The following ORC4 variants were observed in gnomAD, a reference collection of about 807,000 sequenced individuals.
ORC4 encodes origin recognition complex subunit 4.
Under a neutral mutation model 63.9 loss-of-function variants are expected in ORC4, and 55 were observed. The ratio of observed to expected loss-of-function variants is 0.86; its 90% CI spans 0.69 to 1.08. The LOEUF (loss-of-function observed/expected upper bound fraction) is 1.08. ORC4 is among the 50% of genes least tolerant of loss of function. The pLI is 0.00. For synonymous variants in ORC4, 150 were observed against 168.5 expected, an observed-to-expected ratio of 0.89 and a Z score of 0.85; for missense variants, 511 against 504.4, an observed-to-expected ratio of 1.01 and a Z score of -0.13.
rs535402993 is a variant in ORC4 at position 147,935,262 on chromosome 2, G to C, written c.*248C>G. 35 of 506,716 alleles carry C rather than the reference G, an allele frequency of 6.9e-5. No individual in the cohort carries two copies. Among genetic ancestry groups the C allele is most frequent in the African/African-American group, 6.7e-4 (35 of 51,930 alleles). The allele number at this position is 506,716 out of a possible 1,614,324, so 31.4% of individuals were successfully genotyped here. A position where few individuals can be genotyped will look rare whatever the true frequency, so the allele number is the denominator to read the frequency against. On this transcript the variant is annotated 3_prime_UTR_variant, in exon 14 of 14. Coordinates refer to ENST00000392857, the MANE Select transcript of ORC4 (RefSeq NM_181741.4). ...AAGTGTTAAAAAAGCACATGGTCTAGTCCCTAAAACAGTCATATTTTATTC... is the reference window on the plus strand; with the variant it reads ...AAGTGTTAAAAAAGCACATGGTCTACTCCCTAAAACAGTCATATTTTATTC...
chr2:147,985,050 A>C (rs1691114685), intron 1 of ORC4, among the ~76,000 whole-genome samples: 1 of 152,134 alleles, frequency 6.6e-6, no homozygotes, highest in Admixed American at 6.5e-5. Flanking sequence ...GAGTACTTAT[A>C]ACTCTTCTTT....
chr2:147,958,609 C>T, intron 5 of ORC4, 182 bp downstream of exon 5: 1 of 573,904 alleles, frequency 1.7e-6, no homozygotes, highest in Admixed American at 3.4e-5. Flanking sequence ...AAACCAGAGT[C>T]CTTCTGCGAC....
intron 13 of ORC4, chr2:147,936,498 A>C (rs1436508621): frequency 5.3e-5 from 8 of 152,142 alleles, no homozygotes; most frequent in Admixed American, 1.3e-4. Context: ...GGATTCTATT[A>C]TATTCTTACA....
At chr2:148,019,368 T>A (rs911613055) in intron 1 of ORC4, among the ~76,000 whole-genome samples, 2 of 152,240 alleles carry the variant, frequency 1.3e-5, no homozygotes, top group Admixed American at 1.3e-4. Flanking sequence ...GGCGGGAGGA[T>A]CATTTGAGGT....
intron 1 of ORC4, among the ~76,000 whole-genome samples, chr2:147,980,296 CTTACA>C (rs1427715516): frequency 6.6e-6 from 1 of 151,932 alleles, no homozygotes; most frequent in African/African-American, 2.4e-5. Flanking sequence ...TTACAAAGCA[CTTACA>C]TTGTATTAGA....
At chr2:147,974,499 G>T (rs1290073668) in intron 2 of ORC4, among the ~76,000 whole-genome samples, 2 of 151,980 alleles carry the variant, frequency 1.3e-5, no homozygotes, top group Non-Finnish European at 2.9e-5. Context: ...GCCAGACGTG[G>T]TGGTGGATGC....
intron 4 of ORC4, among the ~76,000 whole-genome samples, chr2:147,969,887 G>T (rs1690110467): frequency 6.6e-6 from 1 of 151,944 alleles, no homozygotes; most frequent in Admixed American, 6.6e-5. Flanking sequence ...AAAAGGAATA[G>T]AAGTATGGAG....
At chr2:148,010,460 A>C (rs1692895516) in intron 1 of ORC4, among the ~76,000 whole-genome samples, 1 of 152,032 alleles carries the variant, frequency 6.6e-6, no homozygotes, top group Non-Finnish European at 1.5e-5. Flanking sequence ...ACCCAGACTA[A>C]GAAAAGAAAA....
At chr2:147,962,029 G>A (rs1052455952) in intron 4 of ORC4, among the ~76,000 whole-genome samples, 2 of 152,184 alleles carry the variant, frequency 1.3e-5, no homozygotes, top group Admixed American at 1.3e-4. Context: ...TGACTGGCGT[G>A]TTGAAGGGAG....
At chr2:148,007,927 C>T (rs2382201) in intron 1 of ORC4, among the ~76,000 whole-genome samples, 39,631 of 152,066 alleles carry the variant, frequency 0.26, 5,994 homozygotes, top group East Asian at 0.47. Flanking sequence ...CAAACTTTAG[C>T]AGAAACCCTG....
rs968594724 is a variant in ORC4 at position 147,959,585 on chromosome 2, T to G, written c.226-719A>C. Among the ~76,000 whole-genome samples, 3 of 152,102 alleles carry G rather than the reference T, an allele frequency of 2.0e-5. No homozygotes were observed. In the East Asian group the frequency reaches 5.8e-4, roughly 29 times the overall value. ...CACTGGGACAACTGGTAAACTATTTTCCAAAACAAAATACTGTTTGTATTT... is the reference window on the plus strand; with the variant it reads ...CACTGGGACAACTGGTAAACTATTTGCCAAAACAAAATACTGTTTGTATTT... On this transcript the variant is annotated intron_variant, in intron 4 of 13. Transcript: ENST00000392857.
chr2:147,994,911 G>A (rs1445960361), intron 1 of ORC4, among the ~76,000 whole-genome samples: 1 of 152,196 alleles, frequency 6.6e-6, no homozygotes, highest in Non-Finnish European at 1.5e-5. Flanking sequence ...TGTAATCCCA[G>A]CTACTTGGTG....
At position 147,934,281 on chromosome 2, in the gene ORC4, C is replaced by T. The variant is rs1335219897; in HGVS notation, c.*1229G>A. The stretch of plus-strand genomic sequence containing the variant: ...ACCTCCCATGCACACAATAGGAAAT[C>T]AAATATTCTTGAACAAATGAAGTCA... On this transcript the variant is annotated 3_prime_UTR_variant, in exon 14 of 14. Coordinates refer to ENST00000392857, the MANE Select transcript of ORC4 (RefSeq NM_181741.4). The T allele has an allele frequency of 6.6e-6, 1 of 152,172 alleles. No homozygotes were observed. Among genetic ancestry groups the T allele is most frequent in the Non-Finnish European group, 1.5e-5 (1 of 68,002 alleles). The allele number at this position is 152,172 out of a possible 1,614,324, so 9.4% of individuals were successfully genotyped here. A position where few individuals can be genotyped will look rare whatever the true frequency, so the allele number is the denominator to read the frequency against.
At chr2:147,967,409 C>G (rs1689954793) in intron 4 of ORC4, among the ~76,000 whole-genome samples, 1 of 151,694 alleles carries the variant, frequency 6.6e-6, no homozygotes, top group African/African-American at 2.4e-5. Flanking sequence ...AACCTAGAGA[C>G]TCTACCAAAA....
chr2:148,002,792 A>G (rs769748435), intron 1 of ORC4, among the ~76,000 whole-genome samples: 3 of 152,172 alleles, frequency 2.0e-5, no homozygotes, highest in Non-Finnish European at 2.9e-5. Context: ...TAGAGACACA[A>G]AAACCCCCTC....
At chr2:147,998,295 TATC>T (rs1692095063) in intron 1 of ORC4, among the ~76,000 whole-genome samples, 1 of 152,218 alleles carries the variant, frequency 6.6e-6, no homozygotes, top group Admixed American at 6.5e-5. Flanking sequence ...TTGGTTTCTT[TATC>T]ACCACCAAAG....
chr2:147,933,218 T>A lies in ORC4; in HGVS notation c.*2292A>T, dbSNP rs549596837. 5.9e-5 allele frequency: 9 copies of A among 152,224 alleles called. No individual in the cohort carries two copies. In the South Asian group the frequency reaches 1.9e-3, roughly 32 times the overall value. 9.4% of individuals were successfully genotyped at this position (152,224 alleles called of 1,614,324 possible). ...TAGTAAATGAAGAAAATAAGCTATA[T>A]GTATAAGTTTACATTATTCTTGAAC... On this transcript the variant is annotated 3_prime_UTR_variant, in exon 14 of 14. Coordinates refer to ENST00000392857, the MANE Select transcript of ORC4 (RefSeq NM_181741.4).
intron 4 of ORC4, among the ~76,000 whole-genome samples, chr2:147,967,771 A>C (rs1261598218): frequency 6.6e-6 from 1 of 152,048 alleles, no homozygotes; most frequent in Non-Finnish European, 1.5e-5. Context: ...AACACTAATG[A>C]TATTCTTCAC....
chr2:148,017,217 A>C (rs2105482280), intron 1 of ORC4, among the ~76,000 whole-genome samples: 1 of 152,368 alleles, frequency 6.6e-6, no homozygotes, highest in Non-Finnish European at 1.5e-5. Flanking sequence ...AAAGAAAACA[A>C]GGTGAAATCA....
Sources: gnomAD v4.1 joint callset for allele counts (sites outside exome capture counted in the v4.1 genomes callset) on GRCh38, gnomAD v4.1.1 for gene constraint, MANE v1.5 for transcripts, NCBI Gene and HGNC (gene_info 2026-07-23, HGNC 2026-07-21) for gene names.